The following CSNK2A2IP variants were observed in gnomAD, a reference collection of about 807,000 sequenced individuals.
CSNK2A2IP encodes the protein casein kinase II subunit alpha'-interacting protein.
At chr3:88,364,595 T>A in the CSNK2A2IP span, among the ~76,000 whole-genome samples, 3 of 152,102 alleles carry the variant, frequency 2.0e-5, no homozygotes, top group East Asian at 5.8e-4. Context: ...AAACTGGTAA[T>A]ACATGTTGTC....
chr3:88,466,967 T>G, the CSNK2A2IP span: 1 of 1,231,134 alleles, frequency 8.1e-7, no homozygotes, highest in Non-Finnish European at 1.0e-6. Flanking sequence ...CCATTCCCTA[T>G]GAAAGAAAAC....
the CSNK2A2IP span, among the ~76,000 whole-genome samples, chr3:88,376,231 T>A: frequency 6.6e-6 from 1 of 151,830 alleles, no homozygotes; most frequent in Non-Finnish European, 1.5e-5. Context: ...TATTTTTTCA[T>A]TGTACTCCTC....
At chr3:88,452,057 A>G in the CSNK2A2IP span, among the ~76,000 whole-genome samples, 1 of 152,112 alleles carries the variant, frequency 6.6e-6, no homozygotes, top group Admixed American at 6.6e-5. Context: ...AGTGGTGACA[A>G]CAGTGGGATA....
chr3:88,360,836 C>T, the CSNK2A2IP span, among the ~76,000 whole-genome samples: 9 of 151,548 alleles, frequency 5.9e-5, no homozygotes, highest in East Asian at 3.9e-4. Flanking sequence ...TTATTTTTAA[C>T]GTTTTCATTG....
chr3:88,421,386 C>T, the CSNK2A2IP span, among the ~76,000 whole-genome samples: 1 of 152,002 alleles, frequency 6.6e-6, no homozygotes, highest in Non-Finnish European at 1.5e-5. Flanking sequence ...TTAAGGTTCC[C>T]TATTAGTTTG....
the CSNK2A2IP span, among the ~76,000 whole-genome samples, chr3:88,420,007 C>T: frequency 1.3e-5 from 2 of 152,136 alleles, no homozygotes; most frequent in Non-Finnish European, 2.9e-5. Context: ...ATAGAATCAC[C>T]TGGGAAGATA....
chr3:88,442,652 T>C, the CSNK2A2IP span, among the ~76,000 whole-genome samples: 1 of 152,084 alleles, frequency 6.6e-6, no homozygotes, highest in Non-Finnish European at 1.5e-5. Context: ...GTTGTCCTTA[T>C]TTTACAGATA....
At chr3:88,378,237 G>C in the CSNK2A2IP span, among the ~76,000 whole-genome samples, 9 of 151,812 alleles carry the variant, frequency 5.9e-5, no homozygotes, top group East Asian at 1.7e-3. Context: ...AATTATAGAT[G>C]AGTAAATGCA....
the CSNK2A2IP span, among the ~76,000 whole-genome samples, chr3:88,427,382 C>A: frequency 6.6e-6 from 1 of 152,102 alleles, no homozygotes; most frequent in Non-Finnish European, 1.5e-5. Flanking sequence ...AAAGAAAAAC[C>A]CATTTTCTGA....
At chr3:88,417,487 G>T in the CSNK2A2IP span, among the ~76,000 whole-genome samples, 1 of 152,172 alleles carries the variant, frequency 6.6e-6, no homozygotes, top group African/African-American at 2.4e-5. Flanking sequence ...ATGAATGTTT[G>T]ACACTCCCTT....
the CSNK2A2IP span, among the ~76,000 whole-genome samples, chr3:88,350,650 A>C: frequency 6.6e-6 from 1 of 152,100 alleles, no homozygotes; most frequent in Non-Finnish European, 1.5e-5. Context: ...CAGATGTTGA[A>C]AGAGAAGCGT....
At chr3:88,422,094 C>T in the CSNK2A2IP span, among the ~76,000 whole-genome samples, 3 of 152,030 alleles carry the variant, frequency 2.0e-5, no homozygotes, top group Non-Finnish European at 4.4e-5. Context: ...GATCTATGTT[C>T]CTTTTAAAAT....
At chr3:88,368,907 C>T in the CSNK2A2IP span, among the ~76,000 whole-genome samples, 2 of 151,964 alleles carry the variant, frequency 1.3e-5, no homozygotes, top group African/African-American at 2.4e-5. Flanking sequence ...CTCACAAGCT[C>T]TGTAAACCTC....
the CSNK2A2IP span, among the ~76,000 whole-genome samples, chr3:88,433,165 T>C: frequency 6.6e-6 from 1 of 152,124 alleles, no homozygotes; most frequent in Non-Finnish European, 1.5e-5. Flanking sequence ...CTGTTTTCTT[T>C]TATAAATTTA....
At chr3:88,415,378 C>G in the CSNK2A2IP span, among the ~76,000 whole-genome samples, 1 of 151,948 alleles carries the variant, frequency 6.6e-6, no homozygotes, top group Non-Finnish European at 1.5e-5. Context: ...TCAGAAGAAG[C>G]AATCTGCAGG....
the CSNK2A2IP span, among the ~76,000 whole-genome samples, chr3:88,420,248 A>G: frequency 2.6e-5 from 4 of 152,260 alleles, no homozygotes; most frequent in East Asian, 3.9e-4. Context: ...ACTGTTTCTA[A>G]CTAGTTGTGG....
chr3:88,415,632 T>C, the CSNK2A2IP span, among the ~76,000 whole-genome samples: 1 of 152,048 alleles, frequency 6.6e-6, no homozygotes, highest in Non-Finnish European at 1.5e-5. Context: ...AGCCCCTATC[T>C]GCTGTGCCAA....
chr3:88,452,835 C>A, the CSNK2A2IP span, among the ~76,000 whole-genome samples: 1 of 152,130 alleles, frequency 6.6e-6, no homozygotes, highest in Non-Finnish European at 1.5e-5. Context: ...CTATCTCTAA[C>A]AGTCATTGAA....
At chr3:88,357,393 T>C in the CSNK2A2IP span, among the ~76,000 whole-genome samples, 1 of 152,166 alleles carries the variant, frequency 6.6e-6, no homozygotes, top group African/African-American at 2.4e-5. Flanking sequence ...AAATGTATTA[T>C]TTTATTCATG....
Sources: allele counts gnomAD v4.1 joint callset (sites outside exome capture counted in the v4.1 genomes callset), GRCh38; gene constraint gnomAD v4.1.1; transcripts MANE v1.5; gene names NCBI Gene and HGNC (gene_info 2026-07-23, HGNC 2026-07-21).